Variants in SYN3 observed in about 807,000 individuals in gnomAD.
SYN3 encodes the protein synapsin III, also known as synapsin-3.
In SYN3, 35 loss-of-function variants were observed where a neutral mutation model predicts 65.8. That is an observed-to-expected ratio of 0.53 (90% CI 0.41 to 0.70). The LOEUF (loss-of-function observed/expected upper bound fraction) is 0.70. Among genes scored for constraint, SYN3 ranks in the 30% least tolerant of loss-of-function variants. The pLI is 0.00. For synonymous variants in SYN3, 270 were observed against 292.9 expected (o/e 0.92, Z 0.80); for missense variants, 680 against 749.0 (o/e 0.91, Z 1.08).
rs2058917318 is a variant in SYN3, at chr22:32,580,135, G to C, written c.774+16539C>G. On this transcript the variant is annotated intron_variant, in intron 7 of 13. Coordinates refer to ENST00000358763, the MANE Select transcript of SYN3 (RefSeq NM_003490.4). ...TGTGCGTCCACAGAGCTTACAGCCTGGTTGGGGAGGGAGATGGCCAGGCTC... is the reference window on the plus strand; with the variant it reads ...TGTGCGTCCACAGAGCTTACAGCCTCGTTGGGGAGGGAGATGGCCAGGCTC... 2.0e-5 allele frequency among the ~76,000 whole-genome samples: 3 copies of C among 152,280 alleles called. No individual in the cohort carries two copies. The South Asian group carries it at 6.2e-4, about 31-fold the overall frequency.
chr22:32,807,616 G>T (rs12484696), intron 6 of SYN3, among the ~76,000 whole-genome samples: 4 of 149,436 alleles, frequency 2.7e-5, no homozygotes, highest in Non-Finnish European at 5.9e-5. Context: ...AGGAAACTGA[G>T]GCTTAGAAAA....
At chr22:33,057,320 C>T (rs2054269914) in intron 1 of SYN3, among the ~76,000 whole-genome samples, 1 of 152,172 alleles carries the variant, frequency 6.6e-6, no homozygotes, top group Non-Finnish European at 1.5e-5. Flanking sequence ...AGCTTCCTGC[C>T]ATGTCGAGAG....
At chr22:32,725,032 G>A (rs1041662364) in intron 6 of SYN3, among the ~76,000 whole-genome samples, 6 of 152,094 alleles carry the variant, frequency 3.9e-5, no homozygotes, top group Admixed American at 1.3e-4. Flanking sequence ...AGGCAGGATC[G>A]TTTGAATCTA....
rs188273962 is a variant in SYN3, at chr22:32,619,654, T to G, written c.712-22918A>C. Among the ~76,000 whole-genome samples, 4 of 152,364 alleles carry G rather than the reference T, an allele frequency of 2.6e-5. No individual in the cohort carries two copies. The East Asian group carries it at 7.7e-4, about 29-fold the overall frequency. ...TGATAGTATCAATTACTGACTTTCC[T>G]GTGTCCATGACCTTTACAACATGAC... On this transcript the variant is annotated intron_variant, in intron 6 of 13. Transcript: ENST00000358763.
chr22:32,962,129 C>CTTTTTCT (rs2051673225), intron 3 of SYN3, among the ~76,000 whole-genome samples: 1 of 107,184 alleles, frequency 9.3e-6, no homozygotes, highest in South Asian at 3.3e-4. Context: ...TTTAGAATCT[C>CTTTTTCT]TTTTTTTTTT....
In SYN3 at chr22:32,516,350, T is replaced by TTG. The variant is rs1568993991; in HGVS notation, c.1610+1692_1610+1693insCA. On this transcript the variant is annotated intron_variant, in intron 13 of 13. Transcript: ENST00000358763. ...GGCTTTTCAACATACATCTTTGATT[T>TTG]ATTTATTTATTTATTTATTTATTTA... Among the ~76,000 whole-genome samples, 110 of 135,388 alleles carry TTG rather than the reference T, an allele frequency of 8.1e-4. 2 individuals are homozygous for TTG. Among genetic ancestry groups the TTG allele is most frequent in the East Asian group, 5.5e-3 (28 of 5,080 alleles). The allele number at this position is 135,388 out of a possible 152,430, so 88.8% of individuals were successfully genotyped here.
At chr22:33,053,864 T>C (rs957510189) in intron 1 of SYN3, among the ~76,000 whole-genome samples, 10 of 152,116 alleles carry the variant, frequency 6.6e-5, no homozygotes, top group South Asian at 2.1e-4. Flanking sequence ...TCCACTAACA[T>C]AAACCTGGAC....
chr22:32,819,038 G>A (rs1193254097), intron 6 of SYN3, among the ~76,000 whole-genome samples: 1 of 152,250 alleles, frequency 6.6e-6, no homozygotes, highest in African/African-American at 2.4e-5. Flanking sequence ...TTAAGTATAG[G>A]TGAGCCAGAG....
At chr22:32,909,677 G>A (rs1056137251) in intron 4 of SYN3, among the ~76,000 whole-genome samples, 2 of 135,414 alleles carry the variant, frequency 1.5e-5, no homozygotes, top group Non-Finnish European at 3.0e-5. Flanking sequence ...GTGCCTGGCT[G>A]CTGGCCTGAA....
At chr22:32,689,122 A>G (rs1346711985) in intron 6 of SYN3, among the ~76,000 whole-genome samples, 1 of 152,194 alleles carries the variant, frequency 6.6e-6, no homozygotes, top group Non-Finnish European at 1.5e-5. Flanking sequence ...TGGGGGTAGC[A>G]GGTACATTGA....
At chr22:32,537,961 A>C in intron 9 of SYN3, 75 bp downstream of exon 9, 1 of 1,392,436 alleles carries the variant, frequency 7.2e-7, no homozygotes, top group Non-Finnish European at 1.0e-6. Context: ...CCTTCTCTTC[A>C]GGGCCTTTTG....
rs897800508 is a variant in SYN3 at position 32,511,836 on chromosome 22, G to C, written c.*1856C>G. 3.3e-5 allele frequency among the ~76,000 whole-genome samples: 5 copies of C among 152,178 alleles called. No homozygotes were observed. The highest frequency in any genetic ancestry group is 9.7e-5 in the African/African-American group (4 of 41,424). ...TATTGAATCCCAGACCAAGAGTCTT[G>C]AACAGGAGGAGAGAGAGGACTTCTG... On this transcript the variant is annotated 3_prime_UTR_variant, in exon 14 of 14. Coordinates refer to ENST00000358763, the MANE Select transcript of SYN3 (RefSeq NM_003490.4).
At chr22:32,682,894 T>C (rs1019321342) in intron 6 of SYN3, among the ~76,000 whole-genome samples, 1 of 152,176 alleles carries the variant, frequency 6.6e-6, no homozygotes, top group African/African-American at 2.4e-5. Flanking sequence ...AGATATGCCC[T>C]TGGAAGGTGC....
intron 2 of SYN3, among the ~76,000 whole-genome samples, chr22:32,990,334 A>G (rs1016370757): frequency 1.3e-5 from 2 of 151,410 alleles, no homozygotes; most frequent in Non-Finnish European, 2.9e-5. Context: ...CCATCCATCC[A>G]TCCATCCATC....
At chr22:33,026,244 A>G (rs2053639793) in intron 1 of SYN3, among the ~76,000 whole-genome samples, 1 of 152,184 alleles carries the variant, frequency 6.6e-6, no homozygotes, top group Non-Finnish European at 1.5e-5. Context: ...GTGTATCTGT[A>G]TTTCAGCTTT....
intron 6 of SYN3, among the ~76,000 whole-genome samples, chr22:32,856,277 CAT>C (rs36018238): frequency 0.26 from 40,098 of 151,852 alleles, 5,568 homozygotes; most frequent in African/African-American, 0.35. Flanking sequence ...GGATGTCAGA[CAT>C]GTGTAGCCGA....
chr22:32,801,654 G>T lies in SYN3; in HGVS notation c.711+63261C>A, dbSNP rs1187631473. The T allele has an allele frequency of 1.2e-5, 2 of 161,850 alleles. No individual in the cohort carries two copies. The highest frequency in any genetic ancestry group is 1.8e-4 in the East Asian group (1 of 5,564). 10.0% of individuals were successfully genotyped at this position (161,850 alleles called of 1,614,324 possible). On this transcript the variant is annotated intron_variant, in intron 6 of 13. Transcript: ENST00000358763. This position sits in a 1 kb window ranked among gnomAD's most constrained non-coding sequence, Gnocchi z 4.7. ...GGGCGGGCCCCAACAGCCCGAGGCG[G>T]GGTCCCCGGGGGCCCAGCGCTATAT...
intron 6 of SYN3, among the ~76,000 whole-genome samples, chr22:32,638,187 C>T (rs1322496404): frequency 1.3e-5 from 2 of 151,870 alleles, no homozygotes; most frequent in South Asian, 2.1e-4. Context: ...ATGGTGTGTG[C>T]GAACCACATT....
At chr22:32,803,303 G>A (rs2046641469) in intron 6 of SYN3, among the ~76,000 whole-genome samples, 1 of 152,060 alleles carries the variant, frequency 6.6e-6, no homozygotes, top group Admixed American at 6.5e-5. Flanking sequence ...TCTTGGGTGA[G>A]GGACTCTACC....
Sources: gnomAD v4.1 joint callset for allele counts (sites outside exome capture counted in the v4.1 genomes callset) on GRCh38, gnomAD v4.1.1 for gene constraint, Gnocchi (gnomAD v3.1) non-coding constraint, MANE v1.5 for transcripts, NCBI Gene and HGNC (gene_info 2026-07-23, HGNC 2026-07-21) for gene names.